RP1L1: variants seen among roughly 807,000 people sequenced by gnomAD.
RP1L1 encodes the protein retinitis pigmentosa 1-like 1 protein.
A neutral mutation model predicts 15.7 loss-of-function variants in RP1L1; 27 were observed. The observed-to-expected ratio is 1.72, with a 90% confidence interval of 1.27 to 2.38. RP1L1 has a LOEUF of 2.38. RP1L1 is among the 30% of genes most tolerant of loss of function. The probability of loss-of-function intolerance (pLI) is 0.00; values close to 1 mark genes in which losing one functional copy is unlikely to be tolerated. For missense variants in RP1L1, 4,798 were observed against 3,075.9 expected, an observed-to-expected ratio of 1.56 and a Z score of -13.24; for synonymous variants, 1,813 against 1,276.7, an observed-to-expected ratio of 1.42 and a Z score of -8.96.
Position 10,610,797 on chromosome 8 carries a change from G to A in RP1L1, c.3301C>T (p.Pro1101Ser). Residue 1101 changes from proline (P) to serine (S), a missense_variant, in exon 4 of 4, where the codon CCC becomes TCC. Pro to Ser is a moderately conservative substitution (Grantham distance 74). Transcript: ENST00000382483. ...CTGGCCATGGGCCTAGACACTTCGG[G>A]CACGCTGCTGGGCCGGCCCTGCTTG... Reference protein sequence around the residue: ...GSKQGRPSSVPEVSRPMARRL... With the variant: ...GSKQGRPSSVSEVSRPMARRL... 6.2e-7 allele frequency: 1 copy of A among 1,611,234 alleles called. No individual in the cohort carries two copies. The highest frequency in any genetic ancestry group is 1.1e-5 in the South Asian group (1 of 91,064).
chr8:10,617,546 C>CTGTTTT (rs1554453571), intron 2 of RP1L1, among the ~76,000 whole-genome samples: 1 of 63,390 alleles, frequency 1.6e-5, no homozygotes, highest in African/African-American at 6.2e-5. Context: ...GTTTCTTTTT[C>CTGTTTT]TTTTTTTTTT....
Position 10,611,771 on chromosome 8 carries a change from A to T in RP1L1, c.2327T>A (p.Ile776Lys). The change falls in exon 4 of 4, where the codon ATA becomes AAA. Residue 776 changes from isoleucine to lysine, a missense_variant. Coordinates refer to ENST00000382483, the MANE Select transcript of RP1L1 (RefSeq NM_178857.6). ...AGSRTCSPAP[I>K]PPHTSDSCSK... is the part of the protein sequence containing the mutation. ...GCAGGAGTCGGATGTGTGGGGAGGT[A>T]TGGGGGCCGGCGAGCATGTCCTGGA... The T allele has an allele frequency of 6.2e-7, 1 of 1,613,512 alleles. No individual in the cohort carries two copies. Among genetic ancestry groups the T allele is most frequent in the African/African-American group, 1.3e-5 (1 of 75,038 alleles).
At position 10,609,184 on chromosome 8, in the gene RP1L1, G is replaced by A. The variant is rs764073146; in HGVS notation, c.4914C>T (p.Ala1638=). 19 of 1,611,732 alleles carry A rather than the reference G, an allele frequency of 1.2e-5. No individual in the cohort carries two copies. Among genetic ancestry groups the A allele is most frequent in the East Asian group, 8.9e-5 (4 of 44,878 alleles). The change falls in exon 4 of 4, where the codon GCC becomes GCT. Residue 1638 remains alanine (A), a synonymous_variant. Coordinates refer to ENST00000382483, the MANE Select transcript of RP1L1 (RefSeq NM_178857.6). ...PLSFTLEDEP[A]LSTALGSQLG... is the part of the protein sequence containing the mutation. Reference sequence around the variant, plus strand: ...GCTGGCTCCCCAGGGCTGTGCTGAGGGCTGGCTCGTCCTCCAGGGTGAAGG... The same window carrying A: ...GCTGGCTCCCCAGGGCTGTGCTGAGAGCTGGCTCGTCCTCCAGGGTGAAGG...
intron 1 of RP1L1, among the ~76,000 whole-genome samples, chr8:10,629,880 C>A (rs1021877803): frequency 2.0e-5 from 3 of 152,152 alleles, no homozygotes; most frequent in African/African-American, 7.2e-5. Flanking sequence ...AGTGGTCTGT[C>A]CCCAAGTCTC....
At chr8:10,631,305 GCA>G (rs1412975770) in intron 1 of RP1L1, among the ~76,000 whole-genome samples, 49 of 90,336 alleles carry the variant, frequency 5.4e-4, no homozygotes, top group Non-Finnish European at 8.3e-4. Flanking sequence ...AAACACGCAT[GCA>G]CACACACGCA....
rs765372474 is a variant in RP1L1 at position 10,611,065 on chromosome 8, C to G, written c.3033G>C (p.Gln1011His). The G allele has an allele frequency of 3.1e-6, 5 of 1,612,718 alleles. No homozygotes were observed. In the East Asian group the frequency reaches 8.9e-5, roughly 29 times the overall value. Residue 1011 changes from glutamine (Q) to histidine (H), a missense_variant, in exon 4 of 4, where the codon CAG becomes CAC. Transcript: ENST00000382483. Reference sequence around the variant, plus strand: ...GGCCGGGGTCCCCTTCCAGGGACTGCTGTCCCGCCTGAGCTGGCTCCCCCA... The same window carrying G: ...GGCCGGGGTCCCCTTCCAGGGACTGGTGTCCCGCCTGAGCTGGCTCCCCCA... ...EGLGEPAQAGQQSLEGDPGQD... is the reference protein window; with the variant it reads ...EGLGEPAQAGHQSLEGDPGQD...
In RP1L1 at chr8:10,622,736, G is replaced by C; in HGVS notation, c.466C>G (p.Leu156Val). ...AGGCGAGGGTCCATGTTCTTAATCAGCAGTATCCTCCGGGGGGTTTTAAGA... is the reference window on the plus strand; with the variant it reads ...AGGCGAGGGTCCATGTTCTTAATCACCAGTATCCTCCGGGGGGTTTTAAGA... ...KSLKTPRRIL[L>V]IKNMDPRLQQ... Residue 156 changes from leucine (L) to valine (V), a missense_variant, in exon 2 of 4, where the codon CTG becomes GTG. Transcript: ENST00000382483. The C allele has an allele frequency of 6.2e-7, 1 of 1,614,134 alleles. No individual in the cohort carries two copies. Among genetic ancestry groups the C allele is most frequent in the East Asian group, 2.2e-5 (1 of 44,880 alleles).
chr8:10,651,803 G>C (rs1445762271), intron 1 of RP1L1, among the ~76,000 whole-genome samples: 1 of 149,644 alleles, frequency 6.7e-6, no homozygotes, highest in Non-Finnish European at 1.5e-5. Flanking sequence ...GTTGCTCCAT[G>C]ACTGTAAAAT....
Position 10,610,049 on chromosome 8 carries a change from T to A in RP1L1, c.4049A>T (p.Gln1350Leu). ...TTCCTCTAACTGCGCCTCTTCTTCT[T>A]GCTGTCCTTCTCCTTCTGTTTCTTT... ...ETKETEGEGQ[Q>L]EEEAQLEEIE... The change falls in exon 4 of 4, where the codon CAA becomes CTA. Residue 1350 changes from glutamine (Q) to leucine (L), a missense_variant. By Grantham distance (113) the Gln-to-Leu change is moderately radical (BLOSUM62 -2). Transcript: ENST00000382483. The A allele has an allele frequency of 6.8e-7, 1 of 1,471,556 alleles. No homozygotes were observed. The highest frequency in any genetic ancestry group is 9.1e-7 in the Non-Finnish European group (1 of 1,095,008). The allele number at this position is 1,471,556 out of a possible 1,614,324, so 91.2% of individuals were successfully genotyped here.
intron 1 of RP1L1, among the ~76,000 whole-genome samples, chr8:10,654,390 C>T (rs1310223748): frequency 6.6e-6 from 1 of 152,088 alleles, no homozygotes; most frequent in Non-Finnish European, 1.5e-5. Flanking sequence ...CCTTACCACT[C>T]TCTCTATTTG....
At chr8:10,616,679 C>G (rs963838747) in intron 2 of RP1L1, 92 bp from the exon 3 acceptor site, 5 of 1,418,550 alleles carry the variant, frequency 3.5e-6, no homozygotes, top group Non-Finnish European at 4.7e-6. Context: ...TCTCACCAGC[C>G]CTGTCCTGAT....
At chr8:10,615,824 G>C (rs1184498435) in intron 3 of RP1L1, among the ~76,000 whole-genome samples, 2 of 152,164 alleles carry the variant, frequency 1.3e-5, no homozygotes, top group East Asian at 1.9e-4. Context: ...ATAAAGGTGT[G>C]AGCCTCTGTG....
intron 2 of RP1L1, among the ~76,000 whole-genome samples, chr8:10,618,544 T>G (rs1258317483): frequency 1.3e-4 from 19 of 151,714 alleles, no homozygotes; most frequent in Non-Finnish European, 7.4e-5. Context: ...ACAAAAAAAT[T>G]AGCCAGGCAT....
intron 1 of RP1L1, among the ~76,000 whole-genome samples, chr8:10,635,966 C>T (rs550325762): frequency 2.6e-5 from 4 of 152,206 alleles, no homozygotes; most frequent in Admixed American, 2.0e-4. Context: ...GGCACAGGCC[C>T]GAGAGCACAG....
rs553699135 is a variant in RP1L1, at chr8:10,607,405, C to G, written c.6693G>C (p.Pro2231=). ...CTGGCTGGGCCTCCCCTTCAGCCTC[C>G]GGGGTCTCTACGCCTTCTGGCTCTG... ...AQPEPEGVET[P]EAEGEAQPES... Residue 2231 remains proline, a synonymous_variant, in exon 4 of 4, where the codon CCG becomes CCC. Coordinates refer to ENST00000382483, the MANE Select transcript of RP1L1 (RefSeq NM_178857.6). 7 of 1,589,314 alleles carry G rather than the reference C, an allele frequency of 4.4e-6. No homozygotes were observed. Among genetic ancestry groups the G allele is most frequent in the Non-Finnish European group, 5.1e-6 (6 of 1,165,834 alleles).
intron 1 of RP1L1, among the ~76,000 whole-genome samples, chr8:10,648,836 C>T (rs1175583654): frequency 1.3e-5 from 2 of 152,256 alleles, no homozygotes; most frequent in East Asian, 1.9e-4. Flanking sequence ...TCCCCGTTCC[C>T]AGCATTTATC....
At chr8:10,623,545 C>G (rs1798109584) in intron 1 of RP1L1, among the ~76,000 whole-genome samples, 2 of 151,884 alleles carry the variant, frequency 1.3e-5, no homozygotes, top group Admixed American at 1.3e-4. Flanking sequence ...ATGTCCCCAG[C>G]ACAACCATGT....
chr8:10,647,428 C>A (rs1798495764), intron 1 of RP1L1, among the ~76,000 whole-genome samples: 1 of 152,096 alleles, frequency 6.6e-6, no homozygotes, highest in Non-Finnish European at 1.5e-5. Context: ...ACCATCACCC[C>A]CATCTGTCTC....
chr8:10,612,867 G>T lies in RP1L1; in HGVS notation c.1231C>A (p.Pro411Thr), dbSNP rs754785148. The change falls in exon 4 of 4, where the codon CCC (proline) becomes ACC (threonine). Residue 411 changes from proline (P) to threonine (T), a missense_variant. Transcript: ENST00000382483. ...PGPKYEIWTN[P>T]LHASQGERVA... ...CTCTCTCCCTGGGAGGCATGCAGGGGATTCGTCCAGATTTCATACTTGGGC... is the reference window on the plus strand; with the variant it reads ...CTCTCTCCCTGGGAGGCATGCAGGGTATTCGTCCAGATTTCATACTTGGGC... 1 of 1,612,782 alleles carries T rather than the reference G, an allele frequency of 6.2e-7. No individual in the cohort carries two copies. The highest frequency in any genetic ancestry group is 8.5e-7 in the Non-Finnish European group (1 of 1,179,886).
Sources: gnomAD v4.1 joint callset for allele counts (sites outside exome capture counted in the v4.1 genomes callset) on GRCh38, gnomAD v4.1.1 for gene constraint, MANE v1.5 for transcripts, NCBI Gene and HGNC (gene_info 2026-07-23, HGNC 2026-07-21) for gene names.